TENM2: variants seen among roughly 807,000 people sequenced by gnomAD.
TENM2 encodes the protein teneurin-2.
A neutral mutation model predicts 245.2 loss-of-function variants in TENM2; 52 were observed. That is an observed-to-expected ratio of 0.21 (90% confidence interval 0.17 to 0.27). The LOEUF is 0.27. Ranked by LOEUF, TENM2 falls within the 10% of genes least tolerant of loss-of-function variation. The probability of loss-of-function intolerance (pLI) is 1.00; values close to 1 mark genes in which losing one functional copy is unlikely to be tolerated. For missense variants in TENM2, 3,046 were observed against 3,666.8 expected (o/e 0.83, Z 4.37); for synonymous variants, 1,363 against 1,438.9 (o/e 0.95, Z 1.19).
chr5:167,363,987 A>G (rs566111473), intron 1 of TENM2, among the ~76,000 whole-genome samples: 1 of 152,110 alleles, frequency 6.6e-6, no homozygotes, highest in Non-Finnish European at 1.5e-5. Context: ...ATATGAGTTC[A>G]AGCACAATTA....
intron 2 of TENM2, among the ~76,000 whole-genome samples, chr5:167,652,601 A>ATC (rs397778732): frequency 7.9e-5 from 12 of 151,074 alleles, no homozygotes; most frequent in Admixed American, 6.6e-4. Context: ...CCAAGCAACT[A>ATC]GCTTCTGACT....
At chr5:167,897,862 A>G (rs1373205893) in intron 3 of TENM2, among the ~76,000 whole-genome samples, 1 of 149,566 alleles carries the variant, frequency 6.7e-6, no homozygotes, top group Non-Finnish European at 1.5e-5. Flanking sequence ...GAGCCTGGGA[A>G]TTTCAGTTGG....
At chr5:167,776,464 C>T (rs538288493) in intron 2 of TENM2, among the ~76,000 whole-genome samples, 64 of 151,190 alleles carry the variant, frequency 4.2e-4, no homozygotes, top group African/African-American at 1.5e-3. Context: ...AGCGTGGTGG[C>T]GTATGCCTGT....
chr5:168,003,321 ACACACACACACACACACACACACACC>A (rs1391903426), intron 5 of TENM2, among the ~76,000 whole-genome samples: 2 of 130,840 alleles, frequency 1.5e-5, no homozygotes, highest in Non-Finnish European at 3.3e-5. Context: ...ACACACACAC[ACACACACACACACACACACACACACC>A]CCCAAAGCTG....
Position 167,492,165 on chromosome 5 carries a change from A to G in TENM2, c.502+116692A>G, listed in dbSNP as rs59932109. On this transcript the variant is annotated intron_variant, in intron 2 of 28. Transcript: ENST00000518659. The stretch of plus-strand genomic sequence containing the variant: ...TAGAAATAGTTGGAATTTAAATTAC[A>G]TTACATACTTAGTAAATGTCTGTTT... Among the ~76,000 whole-genome samples the G allele has an allele frequency of 3.2e-3, 481 of 152,282 alleles. 23 individuals are homozygous for G. The South Asian group carries it at 0.081, about 26-fold the overall frequency.
chr5:167,226,971 G>A, the TENM2 span, among the ~76,000 whole-genome samples: 1 of 151,682 alleles, frequency 6.6e-6, no homozygotes, highest in Non-Finnish European at 1.5e-5. Flanking sequence ...TATATATAAT[G>A]TAAATATATT....
At chr5:167,761,088 T>A (rs1342112027) in intron 2 of TENM2, among the ~76,000 whole-genome samples, 1 of 152,168 alleles carries the variant, frequency 6.6e-6, no homozygotes, top group African/African-American at 2.4e-5. Context: ...ATCTAAACTT[T>A]CTGCTTTTCC....
chr5:167,650,877 C>T (rs912328371), intron 2 of TENM2, among the ~76,000 whole-genome samples: 3 of 152,098 alleles, frequency 2.0e-5, no homozygotes, highest in Non-Finnish European at 4.4e-5. Flanking sequence ...CAGTCTGTTT[C>T]TTGATTTCAG....
chr5:167,290,114 A>C (rs1754548002), intron 1 of TENM2, among the ~76,000 whole-genome samples: 1 of 152,216 alleles, frequency 6.6e-6, no homozygotes, highest in Non-Finnish European at 1.5e-5. Context: ...CTTTTTTAAA[A>C]AATATCCTTA....
At chr5:167,504,250 G>A (rs541209069) in intron 2 of TENM2, among the ~76,000 whole-genome samples, 3 of 152,178 alleles carry the variant, frequency 2.0e-5, no homozygotes, top group African/African-American at 4.8e-5. Context: ...AAAGTGAAAC[G>A]TGGACCCCCA....
intron 2 of TENM2, among the ~76,000 whole-genome samples, chr5:167,403,776 A>G (rs1390347045): frequency 1.3e-5 from 2 of 152,146 alleles, no homozygotes; most frequent in Non-Finnish European, 2.9e-5. Flanking sequence ...AAGGCATTAT[A>G]AAGATGTACA....
At chr5:167,644,040 G>C (rs1465978421) in intron 2 of TENM2, among the ~76,000 whole-genome samples, 3 of 151,752 alleles carry the variant, frequency 2.0e-5, no homozygotes, top group African/African-American at 7.3e-5. Context: ...TATTGTCTTT[G>C]CTGCATGCAA....
the TENM2 span, among the ~76,000 whole-genome samples, chr5:167,166,067 A>C: frequency 6.6e-6 from 1 of 152,214 alleles, no homozygotes; most frequent in South Asian, 2.1e-4. Context: ...GGGATGTTCA[A>C]ATTAGGTCAT....
At chr5:167,434,004 C>CA (rs978103125) in intron 2 of TENM2, among the ~76,000 whole-genome samples, 1 of 151,872 alleles carries the variant, frequency 6.6e-6, no homozygotes, top group Non-Finnish European at 1.5e-5. Flanking sequence ...TTAGCTTCTA[C>CA]AAAAAAATTT....
intron 2 of TENM2, among the ~76,000 whole-genome samples, chr5:167,687,423 A>C (rs1337020798): frequency 2.0e-5 from 3 of 152,208 alleles, no homozygotes; most frequent in Non-Finnish European, 1.5e-5. Context: ...GAAAGGTGAA[A>C]TGGAAGCATT....
At chr5:168,005,740 CTT>C (rs1784774045) in intron 5 of TENM2, among the ~76,000 whole-genome samples, 1 of 152,106 alleles carries the variant, frequency 6.6e-6, no homozygotes, top group Non-Finnish European at 1.5e-5. Context: ...AGAAAAAATT[CTT>C]TGTGTTGTAT....
intron 2 of TENM2, among the ~76,000 whole-genome samples, chr5:167,859,357 C>T (rs1162289587): frequency 6.7e-6 from 1 of 148,868 alleles, no homozygotes; most frequent in African/African-American, 2.5e-5. Context: ...CGCCCGGCAG[C>T]CACCCCGTCC....
At chr5:167,188,758 A>G in the TENM2 span, among the ~76,000 whole-genome samples, 2 of 152,170 alleles carry the variant, frequency 1.3e-5, no homozygotes, top group Admixed American at 6.5e-5. Context: ...CACTGCGAAC[A>G]TTGTTTCTTA....
At chr5:167,235,696 C>CT in the TENM2 span, among the ~76,000 whole-genome samples, 3 of 95,226 alleles carry the variant, frequency 3.2e-5, no homozygotes, top group African/African-American at 1.7e-4. Context: ...TACCATCTAG[C>CT]CCATGGGCAA....
Sources: gnomAD v4.1 joint callset for allele counts (sites outside exome capture counted in the v4.1 genomes callset) on GRCh38, gnomAD v4.1.1 for gene constraint, MANE v1.5 for transcripts, NCBI Gene and HGNC (gene_info 2026-07-23, HGNC 2026-07-21) for gene names.